Variants in CLEC16A observed in about 807,000 individuals in gnomAD.
CLEC16A encodes C-type lectin domain containing 16A.
In CLEC16A, 51 loss-of-function variants were observed where a neutral mutation model predicts 109.5. That is an observed-to-expected ratio of 0.47 (90% CI 0.37 to 0.59). The LOEUF (loss-of-function observed/expected upper bound fraction) is 0.59, where lower values mean the gene tolerates loss of function less well. CLEC16A is among the 20% of genes least tolerant of loss of function. The pLI is 0.00. For missense variants in CLEC16A, 1,339 were observed against 1,394.0 expected (o/e 0.96, Z 0.63); for synonymous variants, 673 against 564.2 (o/e 1.19, Z -2.73).
intron 23 of CLEC16A, among the ~76,000 whole-genome samples, chr16:11,172,116 TCACA>T (rs531581073): frequency 6.8e-4 from 103 of 151,294 alleles, no homozygotes; most frequent in African/African-American, 2.3e-3. Flanking sequence ...GCATGCATAG[TCACA>T]CACACATACA....
intron 13 of CLEC16A, among the ~76,000 whole-genome samples, chr16:11,028,342 T>C (rs2046542774): frequency 6.6e-6 from 1 of 152,172 alleles, no homozygotes; most frequent in Admixed American, 6.5e-5. Flanking sequence ...AGTCCTGCTT[T>C]GTTGCATCTA....
chr16:11,112,166 A>G (rs2051636330), intron 19 of CLEC16A, among the ~76,000 whole-genome samples: 1 of 152,206 alleles, frequency 6.6e-6, no homozygotes, highest in South Asian at 2.1e-4. Context: ...TTAAGAAAGG[A>G]AATGGAGAGG....
chr16:11,126,678 A>C (rs1209438377), intron 22 of CLEC16A: 2 of 186,316 alleles, frequency 1.1e-5, no homozygotes, highest in Admixed American at 5.8e-5. Flanking sequence ...ACTTGAATGG[A>C]AAGTCCATTG....
intron 18 of CLEC16A, among the ~76,000 whole-genome samples, chr16:11,055,415 GAA>G (rs2048159098): frequency 6.6e-6 from 1 of 151,882 alleles, no homozygotes; most frequent in African/African-American, 2.4e-5. Flanking sequence ...TCCAAACAGG[GAA>G]CAGCACACAT....
chr16:10,944,680 T>C lies in CLEC16A; in HGVS notation c.-38T>C. The C allele has an allele frequency of 1.9e-6, 3 of 1,575,324 alleles. No homozygotes were observed. Among genetic ancestry groups the C allele is most frequent in the South Asian group, 1.2e-5 (1 of 86,924 alleles). On this transcript the variant is annotated 5_prime_UTR_variant, in exon 1 of 24. The change abolishes an upstream ATG in the 5' untranslated region. Transcript: ENST00000409790. ...GCTGGGCCGCTCTGCTGGTCCGGCA[T>C]GAGACCGTGAGACGAGAGACGGGTC... is the stretch of plus-strand genomic sequence containing the variant.
At chr16:11,082,983 C>A (rs1390979176) in intron 19 of CLEC16A, among the ~76,000 whole-genome samples, 2 of 152,126 alleles carry the variant, frequency 1.3e-5, no homozygotes, top group African/African-American at 4.8e-5. Flanking sequence ...TACCCTCAGC[C>A]CCAGCCCCTG....
intron 7 of CLEC16A, among the ~76,000 whole-genome samples, chr16:10,973,384 A>G (rs968533471): frequency 9.9e-5 from 15 of 152,138 alleles, no homozygotes; most frequent in Admixed American, 9.8e-4. Flanking sequence ...GTACGATGGA[A>G]TAGTGTTTGG....
rs2044781178 is a variant in CLEC16A at position 11,003,309 on chromosome 16, A to T, written c.1303+4A>T. 1 of 1,609,816 alleles carries T rather than the reference A, an allele frequency of 6.2e-7. No homozygotes were observed. The highest frequency in any genetic ancestry group is 1.1e-5 in the South Asian group (1 of 90,926). ...AAGACGAGTGGGGAGAGTGAAGGTG[A>T]GTGTCCCCATGAACGCCGCCCTGTG... On this transcript the variant is annotated splice_donor_region_variant and intron_variant, in intron 11 of 23. Transcript: ENST00000409790.
chr16:10,985,396 T>G (rs1258329180), intron 10 of CLEC16A, among the ~76,000 whole-genome samples: 1 of 151,942 alleles, frequency 6.6e-6, no homozygotes, highest in African/African-American at 2.4e-5. Context: ...GAAGATCTGG[T>G]CCCCATCAAT....
intron 5 of CLEC16A, 38 bp from the exon 6 acceptor site, chr16:10,972,516 T>C: frequency 6.2e-7 from 1 of 1,608,664 alleles, no homozygotes; most frequent in Non-Finnish European, 8.5e-7. Flanking sequence ...TGTTTTTTGC[T>C]TTTCCTTCAA....
intron 11 of CLEC16A, among the ~76,000 whole-genome samples, chr16:11,013,715 C>T (rs1301588836): frequency 6.6e-6 from 1 of 151,982 alleles, no homozygotes; most frequent in African/African-American, 2.4e-5. Context: ...GCCAAGATCA[C>T]GCCACCGCAC....
At chr16:10,988,792 G>A (rs1272549352) in intron 10 of CLEC16A, among the ~76,000 whole-genome samples, 1 of 152,164 alleles carries the variant, frequency 6.6e-6, no homozygotes, top group African/African-American at 2.4e-5. Context: ...AGTGAGAATA[G>A]CAAACATGGG....
rs2042664939 is a variant in CLEC16A at position 10,969,322 on chromosome 16, C to T, written c.492+13C>T. ...CTTTTATAATGAGGTAAGTAATTGC[C>T]AGAGGGGCACGTGTGGGTGTAAAGC... is the stretch of plus-strand genomic sequence containing the variant. On this transcript the variant is annotated intron_variant, in intron 4 of 23. Transcript: ENST00000409790. 1 of 1,587,454 alleles carries T rather than the reference C, an allele frequency of 6.3e-7. No homozygotes were observed. The highest frequency in any genetic ancestry group is 8.6e-7 in the Non-Finnish European group (1 of 1,168,692).
intron 1 of CLEC16A, among the ~76,000 whole-genome samples, chr16:10,947,949 A>G (rs1236809848): frequency 6.6e-6 from 1 of 151,882 alleles, no homozygotes; most frequent in East Asian, 1.9e-4. Context: ...GCTGGAGTGC[A>G]GTGGCACGAT....
intron 19 of CLEC16A, among the ~76,000 whole-genome samples, chr16:11,110,176 A>G (rs1029175496): frequency 7.9e-5 from 12 of 152,208 alleles, no homozygotes; most frequent in Non-Finnish European, 1.3e-4. Context: ...GGGAGCACCA[A>G]AAGACATTAG....
chr16:11,126,104 A>G lies in CLEC16A; in HGVS notation c.2599A>G (p.Thr867Ala), dbSNP rs2052794932. The G allele has an allele frequency of 1.9e-6, 3 of 1,613,718 alleles. No individual in the cohort carries two copies. The East Asian group carries it at 6.7e-5, about 36-fold the overall frequency. Residue 867 changes from threonine to alanine, a missense_variant, in exon 22 of 24, where the codon ACA (threonine) becomes GCA (alanine). This residue lies in a region of CLEC16A where 1,061 missense variants were observed against 1,006.8 expected (regional missense o/e 1.05). Coordinates refer to ENST00000409790, the MANE Select transcript of CLEC16A (RefSeq NM_015226.3). The part of the protein sequence containing the change: ...DQGRRGSSDP[T>A]VQRSVFASVD... ...GGGGCGCCGGGGCAGCAGCGACCCC[A>G]CAGTGCAGCGCTCCGTGTTTGCATC...
intron 21 of CLEC16A, among the ~76,000 whole-genome samples, chr16:11,125,250 A>T (rs1173860229): frequency 1.3e-5 from 2 of 152,154 alleles, no homozygotes; most frequent in Non-Finnish European, 2.9e-5. Context: ...GTAATGTGCA[A>T]AGTGACTTAA....
At chr16:10,989,746 C>T (rs1415304524) in intron 10 of CLEC16A, among the ~76,000 whole-genome samples, 1 of 152,136 alleles carries the variant, frequency 6.6e-6, no homozygotes, top group Non-Finnish European at 1.5e-5. Flanking sequence ...TCTGCCCAGC[C>T]GGATACTCCC....
At chr16:11,058,247 T>C (rs1477177193) in intron 18 of CLEC16A, among the ~76,000 whole-genome samples, 2 of 152,228 alleles carry the variant, frequency 1.3e-5, no homozygotes, top group Non-Finnish European at 2.9e-5. Context: ...GGAAAAACAT[T>C]GAGAGATTTT....
Sources: gnomAD v4.1 joint callset for allele counts (sites outside exome capture counted in the v4.1 genomes callset) on GRCh38, gnomAD v4.1.1 for gene constraint, gnomAD v4.1.1 regional missense constraint, MANE v1.5 for transcripts, NCBI Gene and HGNC (gene_info 2026-07-23, HGNC 2026-07-21) for gene names.